The following DLG2 variants were observed in gnomAD, a reference collection of about 807,000 sequenced individuals.
The protein encoded by DLG2 is disks large homolog 2.
Under a neutral mutation model 132.5 loss-of-function variants are expected in DLG2, and 45 were observed. The observed-to-expected ratio is 0.34, with a 90% confidence interval of 0.27 to 0.44. The LOEUF (loss-of-function observed/expected upper bound fraction) is 0.44, where lower values mean the gene tolerates loss of function less well. DLG2 is among the 20% of genes least tolerant of loss of function. The pLI is 1.00. For synonymous variants in DLG2, 424 were observed against 419.6 expected, an observed-to-expected ratio of 1.01 and a Z score of -0.13; for missense variants, 1,045 against 1,196.9, an observed-to-expected ratio of 0.87 and a Z score of 1.87.
chr11:84,508,718 T>TTATTTAC (rs1215910524), intron 7 of DLG2, among the ~76,000 whole-genome samples: 11 of 152,314 alleles, frequency 7.2e-5, no homozygotes, highest in Middle Eastern at 3.4e-3. Context: ...GCTTTTTTAT[T>TTATTTAC]TATTTACTTA....
chr11:84,516,776 A>G (rs1392686476), intron 7 of DLG2, among the ~76,000 whole-genome samples: 2 of 151,274 alleles, frequency 1.3e-5, no homozygotes, highest in Non-Finnish European at 3.0e-5. Flanking sequence ...AGAAAAAAAG[A>G]AACTACAGAA....
At chr11:83,481,555 T>TAAAGC (rs1247059456) in intron 22 of DLG2, among the ~76,000 whole-genome samples, 4 of 152,124 alleles carry the variant, frequency 2.6e-5, no homozygotes, top group Admixed American at 2.0e-4. Flanking sequence ...AGAGTAGTTT[T>TAAAGC]AAAGCATGAA....
rs138937594 is a variant in DLG2, at chr11:83,541,018, C to T, written c.2117+664G>A. Among the ~76,000 whole-genome samples, 634 of 151,852 alleles carry T rather than the reference C, an allele frequency of 4.2e-3. 6 individuals carry two copies. The highest frequency in any genetic ancestry group is 7.8e-3 in the African/African-American group (322 of 41,410). ...TTTCAAAAGCAGAGCTGAAGAAATG[C>T]TTGGAAGAGAAAGCATGATACTCTT... On this transcript the variant is annotated intron_variant, in intron 20 of 27. Coordinates refer to ENST00000376104, the MANE Select transcript of DLG2 (RefSeq NM_001142699.3).
chr11:85,218,829 T>A (rs770334722), intron 4 of DLG2, among the ~76,000 whole-genome samples: 1 of 152,096 alleles, frequency 6.6e-6, no homozygotes, highest in Non-Finnish European at 1.5e-5. Flanking sequence ...TGCCCATCCA[T>A]GGGAGATTAG....
chr11:85,130,292 C>T (rs997024081), intron 5 of DLG2, among the ~76,000 whole-genome samples: 6 of 152,284 alleles, frequency 3.9e-5, no homozygotes, highest in Non-Finnish European at 7.4e-5. Context: ...CAGCATCCCT[C>T]TGCTCATTAA....
Position 84,251,288 on chromosome 11 carries a change from T to C in DLG2, c.523A>G (p.Ser175Gly), listed in dbSNP as rs199924824. ...LQSHISPLKA[S>G]PAPIIVNTDT... is the part of the protein sequence containing the mutation. ...GTGTTGACAATTATAGGAGCAGGAC[T>C]GGCCTGAAAAAAGAAATAGAAAAAA... The change falls in exon 8 of 28, where the codon AGT becomes GGT. Residue 175 changes from serine (S) to glycine (G), a missense_variant. This residue lies in a region of DLG2 where 277 missense variants were observed against 238.2 expected (regional missense o/e 1.16). Coordinates refer to ENST00000376104, the MANE Select transcript of DLG2 (RefSeq NM_001142699.3). 2 of 1,583,326 alleles carry C rather than the reference T, an allele frequency of 1.3e-6. No individual in the cohort carries two copies.
chr11:83,814,595 A>G (rs2048320494), intron 17 of DLG2: 3 of 170,636 alleles, frequency 1.8e-5, no homozygotes, highest in Admixed American at 6.0e-5. Flanking sequence ...TGAAGAATAC[A>G]TCATTCATTC....
At chr11:84,501,160 G>T (rs114424727) in intron 7 of DLG2, among the ~76,000 whole-genome samples, 1 of 152,052 alleles carries the variant, frequency 6.6e-6, no homozygotes, top group Non-Finnish European at 1.5e-5. Flanking sequence ...CTCCAATATG[G>T]GGAATATAAG....
intron 6 of DLG2, among the ~76,000 whole-genome samples, chr11:84,979,704 T>C (rs912360750): frequency 2.0e-5 from 3 of 151,942 alleles, no homozygotes; most frequent in African/African-American, 4.8e-5. Flanking sequence ...TACCTAATAT[T>C]AAATGACAAG....
intron 6 of DLG2, among the ~76,000 whole-genome samples, chr11:84,808,765 T>C (rs951469160): frequency 2.6e-5 from 4 of 151,962 alleles, no homozygotes; most frequent in Admixed American, 1.3e-4. Flanking sequence ...ATGTGATAGA[T>C]AATATAAATA....
Position 84,815,951 on chromosome 11 carries a change from G to A in DLG2, c.358-281220C>T, listed in dbSNP as rs115912768. Among the ~76,000 whole-genome samples, 480 of 152,062 alleles carry A rather than the reference G, an allele frequency of 3.2e-3. 2 individuals carry two copies. Among genetic ancestry groups the A allele is most frequent in the African/African-American group, 0.011 (446 of 41,502 alleles). ...GTAGCAATTGCCCAATAGGGATGAC[G>A]CTGATATTGGCTGTTACTCTTTCAG... On this transcript the variant is annotated intron_variant, in intron 6 of 27. Coordinates refer to ENST00000376104, the MANE Select transcript of DLG2 (RefSeq NM_001142699.3).
intron 3 of DLG2, among the ~76,000 whole-genome samples, chr11:85,577,259 A>G (rs565666312): frequency 9.9e-5 from 15 of 152,274 alleles, no homozygotes; most frequent in Non-Finnish European, 1.5e-4. Flanking sequence ...AGGCTACTGC[A>G]GTAGACCAGA....
chr11:84,604,459 T>A (rs1286068906), intron 6 of DLG2, among the ~76,000 whole-genome samples: 1 of 151,920 alleles, frequency 6.6e-6, no homozygotes, highest in South Asian at 2.1e-4. Context: ...AATTAAGGTA[T>A]TTAAACTTTA....
intron 8 of DLG2, among the ~76,000 whole-genome samples, chr11:84,196,950 G>A (rs200967669): frequency 1.4e-5 from 2 of 146,350 alleles, no homozygotes; most frequent in East Asian, 4.1e-4. Flanking sequence ...GGCAAGAGAA[G>A]CGCTTGAACC....
intron 6 of DLG2, among the ~76,000 whole-genome samples, chr11:84,755,231 C>A (rs762126120): frequency 1.3e-5 from 2 of 152,150 alleles, no homozygotes; most frequent in African/African-American, 2.4e-5. Flanking sequence ...AAAATATTAA[C>A]CCAAGTACGT....
At chr11:83,764,108 T>C (rs1003497199) in intron 18 of DLG2, among the ~76,000 whole-genome samples, 4 of 152,208 alleles carry the variant, frequency 2.6e-5, no homozygotes, top group African/African-American at 9.6e-5. Flanking sequence ...AGCCATTTCT[T>C]AATGAATGGG....
At chr11:85,145,980 G>T (rs1301002094) in intron 5 of DLG2, among the ~76,000 whole-genome samples, 1 of 152,066 alleles carries the variant, frequency 6.6e-6, no homozygotes, top group Admixed American at 6.6e-5. Flanking sequence ...TTCTTGAGAA[G>T]GGTTTCCAGG....
intron 6 of DLG2, among the ~76,000 whole-genome samples, chr11:85,057,461 CA>C (rs1258260067): frequency 6.6e-6 from 1 of 151,534 alleles, no homozygotes; most frequent in Admixed American, 6.6e-5. Context: ...AATAACTTAC[CA>C]AAACCAATAC....
At position 84,659,216 on chromosome 11, in the gene DLG2, T is replaced by C. The variant is rs978618539; in HGVS notation, c.358-124485A>G. Among the ~76,000 whole-genome samples the C allele has an allele frequency of 1.3e-5, 2 of 152,102 alleles. 1 individual carries two copies. Among genetic ancestry groups the C allele is most frequent in the African/African-American group, 4.8e-5 (2 of 41,414 alleles). On this transcript the variant is annotated intron_variant, in intron 6 of 27. Coordinates refer to ENST00000376104, the MANE Select transcript of DLG2 (RefSeq NM_001142699.3). ...AACTTGTAGGTAGCCTCAATCTAAT[T>C]GTGTATCTTCTGGGTGGAGCTTTGT...
Sources: allele counts gnomAD v4.1 joint callset (sites outside exome capture counted in the v4.1 genomes callset), GRCh38; gene constraint gnomAD v4.1.1; regional missense constraint gnomAD v4.1.1; transcripts MANE v1.5; gene names NCBI Gene and HGNC (gene_info 2026-07-23, HGNC 2026-07-21).